MACF1: variants seen among roughly 807,000 people sequenced by gnomAD.
The protein encoded by MACF1 is microtubule-actin cross-linking factor 1.
MACF1 carries 193 observed loss-of-function variants against 854.8 expected under a neutral mutation model. The observed-to-expected ratio is 0.23, with a 90% CI of 0.20 to 0.25. MACF1 has a LOEUF of 0.25. Among genes scored for constraint, MACF1 ranks in the 10% least tolerant of loss-of-function variants. The pLI is 1.00. For missense variants in MACF1, 7,722 were observed against 8,929.1 expected (o/e 0.86, Z 5.45); for synonymous variants, 3,185 against 3,226.7 (o/e 0.99, Z 0.44).
intron 1 of MACF1, among the ~76,000 whole-genome samples, chr1:39,228,258 C>T (rs537082213): frequency 1.3e-5 from 2 of 152,140 alleles, no homozygotes; most frequent in African/African-American, 2.4e-5. Flanking sequence ...TGCACTGAGC[C>T]GAGATCGCAC....
At chr1:39,444,275 C>T (rs1235937334) in intron 79 of MACF1, among the ~76,000 whole-genome samples, 3 of 151,738 alleles carry the variant, frequency 2.0e-5, no homozygotes, top group African/African-American at 7.3e-5. Flanking sequence ...GCGGAGCTTG[C>T]AGTAAGCCGA....
rs777193537 is a variant in MACF1, at chr1:39,434,506, A to C, written c.17658A>C (p.Val5886=). The C allele has an allele frequency of 6.2e-7, 1 of 1,613,950 alleles. No individual in the cohort carries two copies. The highest frequency in any genetic ancestry group is 8.5e-7 in the Non-Finnish European group (1 of 1,179,992). The change falls in exon 69 of 101, where the codon GTA becomes GTC. Residue 5886 remains valine, a synonymous_variant. Coordinates refer to ENST00000564288, the MANE Select transcript of MACF1 (RefSeq NM_001394062.1). ...YARLERAQVL[V]NQFWETYEEL... Reference sequence around the variant, plus strand: ...GCCTAGAGCGGGCCCAGGTCTTAGTAAACCAGTTTTGGGAAACTTATGAAG... The same window carrying C: ...GCCTAGAGCGGGCCCAGGTCTTAGTCAACCAGTTTTGGGAAACTTATGAAG...
At chr1:39,194,184 G>GC (rs1439312759) in intron 2 of MACF1, among the ~76,000 whole-genome samples, 2 of 151,966 alleles carry the variant, frequency 1.3e-5, no homozygotes, top group Non-Finnish European at 2.9e-5. Context: ...TTTATTTTCT[G>GC]CCCCTCCTCT....
At chr1:39,430,641 C>A in intron 65 of MACF1, 61 bp from the exon 66 acceptor site, 1 of 1,337,550 alleles carries the variant, frequency 7.5e-7, no homozygotes, top group Non-Finnish European at 1.1e-6. Flanking sequence ...TTCCACCCAG[C>A]ACAGTTGCTG....
Position 39,107,538 on chromosome 1 carries a change from C to G in MACF1, c.220+23100C>G, listed in dbSNP as rs76579179. Among the ~76,000 whole-genome samples the G allele has an allele frequency of 5.1e-3, 775 of 152,246 alleles. 4 individuals are homozygous for G. The highest frequency in any genetic ancestry group is 0.018 in the African/African-American group (756 of 41,552). ...CGGTGCAGAACAATCTCTCTTCCCCCCACTGCACCGTTCTCACTGGGAGGT... is the reference window on the plus strand; with the variant it reads ...CGGTGCAGAACAATCTCTCTTCCCCGCACTGCACCGTTCTCACTGGGAGGT... On this transcript the variant is annotated intron_variant, in intron 2 of 93. Transcript: ENST00000361689.
intron 97 of MACF1, among the ~76,000 whole-genome samples, chr1:39,479,183 T>G (rs1386900902): frequency 6.6e-6 from 1 of 152,186 alleles, no homozygotes; most frequent in Non-Finnish European, 1.5e-5. Context: ...AGTTTTTCAC[T>G]TAACAGTTTC....
intron 38 of MACF1, among the ~76,000 whole-genome samples, chr1:39,338,342 TG>T (rs996814347): frequency 1.3e-4 from 20 of 152,138 alleles, no homozygotes; most frequent in African/African-American, 4.1e-4. Context: ...AGAAAGCAGC[TG>T]GATGAGGCGA....
chr1:39,457,260 A>G (rs1280804986), intron 89 of MACF1: 1 of 150,530 alleles, frequency 6.6e-6, no homozygotes, highest in Non-Finnish European at 1.5e-5. Flanking sequence ...CCCTTTCCTC[A>G]TTCAGAGGCC....
At chr1:39,318,419 G>T (rs745451917) in intron 29 of MACF1, 34 bp from the exon 30 acceptor site, 2 of 1,595,136 alleles carry the variant, frequency 1.3e-6, no homozygotes, top group South Asian at 2.2e-5. Flanking sequence ...TTTGTACCAA[G>T]GTATCTGATA....
At position 39,485,768 on chromosome 1, in the gene MACF1, C is replaced by G; in HGVS notation, c.22642C>G (p.Pro7548Ala). Residue 7548 changes from proline (P) to alanine (A), a missense_variant, in exon 101 of 101, where the codon CCC becomes GCC. Coordinates refer to ENST00000564288, the MANE Select transcript of MACF1 (RefSeq NM_001394062.1). ...GTCTAAGAAGACCACCACTGCCTCC[C>G]CCAGGACTCCAGGTCCCAAGCGATA... ...TMSKKTTTAS[P>A]RTPGPKR The G allele has an allele frequency of 6.2e-7, 1 of 1,609,016 alleles. No homozygotes were observed.
At chr1:39,120,435 G>C (rs1642671055) in intron 2 of MACF1, among the ~76,000 whole-genome samples, 2 of 151,994 alleles carry the variant, frequency 1.3e-5, no homozygotes, top group South Asian at 4.2e-4. Flanking sequence ...CGCTGTCTCT[G>C]CTCACTGTAA....
At chr1:39,198,244 C>A (rs1201614630) in intron 2 of MACF1, among the ~76,000 whole-genome samples, 1 of 152,144 alleles carries the variant, frequency 6.6e-6, no homozygotes, top group Non-Finnish European at 1.5e-5. Flanking sequence ...CGCGGTGGCT[C>A]ATGCCTATAA....
intron 58 of MACF1, among the ~76,000 whole-genome samples, chr1:39,403,408 A>C (rs1244368871): frequency 6.6e-6 from 1 of 152,052 alleles, no homozygotes; most frequent in Non-Finnish European, 1.5e-5. Flanking sequence ...CCAAATCTAT[A>C]TCTCTATCCC....
intron 2 of MACF1, among the ~76,000 whole-genome samples, chr1:39,130,641 A>AT (rs1241278332): frequency 6.6e-6 from 1 of 152,116 alleles, no homozygotes; most frequent in Non-Finnish European, 1.5e-5. Context: ...TCCTGCTCTT[A>AT]TATGTCATAC....
At chr1:39,161,209 A>C (rs1335952159) in intron 2 of MACF1, among the ~76,000 whole-genome samples, 1 of 152,106 alleles carries the variant, frequency 6.6e-6, no homozygotes, top group Non-Finnish European at 1.5e-5. Context: ...GACCTCTCTC[A>C]TGGGTATGAC....
intron 60 of MACF1, among the ~76,000 whole-genome samples, chr1:39,423,314 T>C (rs559573140): frequency 6.6e-6 from 1 of 152,326 alleles, no homozygotes; most frequent in South Asian, 2.1e-4. Flanking sequence ...TTTCTCAGCT[T>C]TATTGGTATA....
In MACF1 at chr1:39,442,928, A is replaced by AGT; in HGVS notation, c.19302+18_19302+19dup. On this transcript the variant is annotated intron_variant, in intron 78 of 100. Coordinates refer to ENST00000564288, the MANE Select transcript of MACF1 (RefSeq NM_001394062.1). ...CTGCAGCAGGTACATGTGACATCCAAGTAAGGTAGGAAGAGCTATACAGAT... is the reference window on the plus strand; with the variant it reads ...CTGCAGCAGGTACATGTGACATCCAAGTGTAAGGTAGGAAGAGCTATACAGAT... 6.2e-7 allele frequency: 1 copy of AGT among 1,609,574 alleles called. No individual in the cohort carries two copies. Among genetic ancestry groups the AGT allele is most frequent in the Non-Finnish European group, 8.5e-7 (1 of 1,177,554 alleles).
At chr1:39,285,819 A>G (rs1645631270) in intron 14 of MACF1, 61 bp downstream of exon 14, 1 of 1,575,038 alleles carries the variant, frequency 6.3e-7, no homozygotes, top group Non-Finnish European at 8.7e-7. Flanking sequence ...TCATGGATCA[A>G]GAGTAGAGCA....
At chr1:39,106,973 C>T (rs1642260147) in intron 2 of MACF1, among the ~76,000 whole-genome samples, 1 of 152,046 alleles carries the variant, frequency 6.6e-6, no homozygotes, top group African/African-American at 2.4e-5. Flanking sequence ...TCTGTCAACC[C>T]CCTGTGGTCT....
Sources: gnomAD v4.1 joint callset for allele counts (sites outside exome capture counted in the v4.1 genomes callset) on GRCh38, gnomAD v4.1.1 for gene constraint, MANE v1.5 for transcripts, NCBI Gene and HGNC (gene_info 2026-07-23, HGNC 2026-07-21) for gene names.